CDH13: variants seen among roughly 807,000 people sequenced by gnomAD.
CDH13 encodes cadherin 13, also known as cadherin-13.
Under a neutral mutation model 63.8 loss-of-function variants are expected in CDH13, and 24 were observed. That is an observed-to-expected ratio of 0.38 (90% confidence interval 0.27 to 0.53). CDH13 has a LOEUF of 0.53. Among genes scored for constraint, CDH13 ranks in the 20% least tolerant of loss-of-function variants. CDH13 has a pLI of 0.85. For synonymous variants in CDH13, 503 were observed against 355.3 expected (o/e 1.42, Z -4.67); for missense variants, 1,049 against 903.1 (o/e 1.16, Z -2.07).
chr16:83,602,461 A>G lies in CDH13; in HGVS notation c.968A>G (p.Glu323Gly), dbSNP rs916646636. The change falls in exon 8 of 14, where the codon GAA (glutamate) becomes GGA (glycine). Residue 323 changes from glutamate (E) to glycine (G), a missense_variant. By Grantham distance (98) the Glu-to-Gly change is moderately conservative. Coordinates refer to ENST00000567109, the MANE Select transcript of CDH13 (RefSeq NM_001257.5). ...TGTGCTTGTGCTTTGTAGACTCTGG[A>G]AAATCCCAAGTATGAACTGATCATC... ...SPALLDRETL[E>G]NPKYELIIEA... is the part of the protein sequence containing the mutation. 1.9e-6 allele frequency: 3 copies of G among 1,613,894 alleles called. No individual in the cohort carries two copies. Among genetic ancestry groups the G allele is most frequent in the African/African-American group, 2.7e-5 (2 of 74,932 alleles).
At chr16:83,560,419 A>G (rs1182271419) in intron 7 of CDH13, among the ~76,000 whole-genome samples, 1 of 152,194 alleles carries the variant, frequency 6.6e-6, no homozygotes, top group Non-Finnish European at 1.5e-5. Context: ...AATAAGGCAG[A>G]CTCAAAAGGA....
chr16:83,566,525 C>A (rs1430052649), intron 7 of CDH13, among the ~76,000 whole-genome samples: 1 of 152,100 alleles, frequency 6.6e-6, no homozygotes, highest in African/African-American at 2.4e-5. Context: ...CTCCATTCTC[C>A]CTCTTCCACT....
intron 2 of CDH13, among the ~76,000 whole-genome samples, chr16:82,936,132 C>T (rs7185364): frequency 0.34 from 52,239 of 151,930 alleles, 11,498 homozygotes; most frequent in African/African-American, 0.63. Flanking sequence ...GAAAGGAAGA[C>T]GGAGCTGCCA....
At chr16:82,930,909 T>C (rs983362153) in intron 2 of CDH13, among the ~76,000 whole-genome samples, 3 of 152,216 alleles carry the variant, frequency 2.0e-5, no homozygotes, top group African/African-American at 7.2e-5. Flanking sequence ...GCTTTAAAAC[T>C]TGCTTTTACC....
intron 3 of CDH13, among the ~76,000 whole-genome samples, chr16:83,068,849 G>C (rs2032228577): frequency 6.6e-6 from 1 of 152,124 alleles, no homozygotes; most frequent in Non-Finnish European, 1.5e-5. Flanking sequence ...CCCCCTTGTT[G>C]TTCAATTTCT....
intron 7 of CDH13, among the ~76,000 whole-genome samples, chr16:83,573,842 T>C (rs1221899342): frequency 1.3e-5 from 2 of 152,188 alleles, no homozygotes; most frequent in Non-Finnish European, 2.9e-5. Context: ...GAACACCTGC[T>C]TTGTGACAGC....
chr16:83,014,747 TA>T, intron 2 of CDH13, among the ~76,000 whole-genome samples: 1 of 26,548 alleles, frequency 3.8e-5, no homozygotes, highest in African/African-American at 1.4e-4. Context: ...AAAAAAAATA[TA>T]TATATATATA....
intron 6 of CDH13, among the ~76,000 whole-genome samples, chr16:83,406,656 G>T (rs1464277179): frequency 1.3e-5 from 2 of 152,162 alleles, no homozygotes; most frequent in Non-Finnish European, 1.5e-5. Context: ...AGTAGAGATG[G>T]GGTTTCACCA....
intron 4 of CDH13, among the ~76,000 whole-genome samples, chr16:83,215,900 A>G (rs149533454): frequency 1.3e-5 from 2 of 152,272 alleles, no homozygotes; most frequent in African/African-American, 4.8e-5. Flanking sequence ...AAGTGACATA[A>G]ATATAGATGA....
At chr16:83,262,441 G>A (rs1265972670) in intron 5 of CDH13, among the ~76,000 whole-genome samples, 1 of 152,170 alleles carries the variant, frequency 6.6e-6, no homozygotes, top group African/African-American at 2.4e-5. Flanking sequence ...TTGAAAAGAA[G>A]AAATTTCATT....
intron 11 of CDH13, among the ~76,000 whole-genome samples, chr16:83,748,632 C>A (rs1235242370): frequency 6.6e-6 from 1 of 152,164 alleles, no homozygotes; most frequent in Non-Finnish European, 1.5e-5. Flanking sequence ...CTGACCCTGA[C>A]CATTGAATTG....
chr16:83,413,627 C>T (rs1430111624), intron 6 of CDH13, among the ~76,000 whole-genome samples: 1 of 152,190 alleles, frequency 6.6e-6, no homozygotes, highest in Non-Finnish European at 1.5e-5. Context: ...TCATGCAGCC[C>T]ATAATAGGCT....
chr16:83,175,905 C>G (rs9746057), intron 4 of CDH13, among the ~76,000 whole-genome samples: 1 of 149,362 alleles, frequency 6.7e-6, no homozygotes, highest in African/African-American at 2.5e-5. Flanking sequence ...CTCGGCTCAC[C>G]GCAACCTCCG....
At chr16:82,958,492 T>C (rs890808654) in intron 2 of CDH13, among the ~76,000 whole-genome samples, 12 of 151,998 alleles carry the variant, frequency 7.9e-5, no homozygotes, top group African/African-American at 2.9e-4. Context: ...CCTGAAAAAT[T>C]TGATTATTTG....
rs1208559895 is a variant in CDH13, at chr16:83,435,396, A to G, written c.782-51081A>G. Among the ~76,000 whole-genome samples the G allele has an allele frequency of 2.0e-5, 3 of 152,076 alleles. No homozygotes were observed. The East Asian group carries it at 5.8e-4, about 29-fold the overall frequency. On this transcript the variant is annotated intron_variant, in intron 6 of 13. Coordinates refer to ENST00000567109, the MANE Select transcript of CDH13 (RefSeq NM_001257.5). ...AGGCAAAATGATCTTTTTTCCAAAC[A>G]CTGCAATCGTGTCATCCCCTTCAAA...
At chr16:82,961,796 G>T (rs1222804874) in intron 2 of CDH13, among the ~76,000 whole-genome samples, 1 of 152,142 alleles carries the variant, frequency 6.6e-6, no homozygotes, top group Non-Finnish European at 1.5e-5. Context: ...GAGGATAAAA[G>T]GAAATGTCTG....
At chr16:82,706,277 G>C (rs1476494811) in intron 1 of CDH13, among the ~76,000 whole-genome samples, 12 of 152,302 alleles carry the variant, frequency 7.9e-5, no homozygotes, top group East Asian at 1.9e-4. Context: ...CCCGTTACAT[G>C]ATGAGTAACA....
chr16:82,743,497 G>A (rs1023911738), intron 1 of CDH13, among the ~76,000 whole-genome samples: 1 of 152,152 alleles, frequency 6.6e-6, no homozygotes. Context: ...GAGATTACAG[G>A]CATTAGCCAC....
chr16:83,145,759 A>G (rs1429964673), intron 4 of CDH13, among the ~76,000 whole-genome samples: 3 of 152,208 alleles, frequency 2.0e-5, no homozygotes, highest in Non-Finnish European at 4.4e-5. Context: ...CCTGAGGAAT[A>G]GAGGGGCTAG....
Sources: gnomAD v4.1 joint callset for allele counts (sites outside exome capture counted in the v4.1 genomes callset) on GRCh38, gnomAD v4.1.1 for gene constraint, MANE v1.5 for transcripts, NCBI Gene and HGNC (gene_info 2026-07-23, HGNC 2026-07-21) for gene names.